The following DPP6 variants were observed in gnomAD, a reference collection of about 807,000 sequenced individuals.
DPP6 encodes A-type potassium channel modulatory protein DPP6.
Under a neutral mutation model 122.6 loss-of-function variants are expected in DPP6, and 69 were observed. That is an observed-to-expected ratio of 0.56 (90% confidence interval 0.46 to 0.69). The LOEUF (loss-of-function observed/expected upper bound fraction) is 0.69. DPP6 is among the 30% of genes least tolerant of loss of function. The pLI, the probability that DPP6 is intolerant of heterozygous loss-of-function variation, is 0.00. For missense variants in DPP6, 928 were observed against 1,116.9 expected (o/e 0.83, Z 2.41); for synonymous variants, 418 against 433.1 (o/e 0.97, Z 0.43).
At chr7:154,602,809 G>A (rs1206442988) in intron 5 of DPP6, among the ~76,000 whole-genome samples, 1 of 108,524 alleles carries the variant, frequency 9.2e-6, no homozygotes, top group Middle Eastern at 5.0e-3. Context: ...GTGCAGTGGT[G>A]CGATCTCTAT....
exon 1 of DPP6, chr7:153,887,574 A>AC: frequency 2.3e-6 from 3 of 1,330,722 alleles, no homozygotes; most frequent in South Asian, 2.6e-5. Context: ...TCCTTCAAAA[A>AC]CCCGTTTCCA....
chr7:154,177,797 G>A (rs1420748623), intron 1 of DPP6, among the ~76,000 whole-genome samples: 3 of 152,172 alleles, frequency 2.0e-5, no homozygotes, highest in Non-Finnish European at 2.9e-5. Flanking sequence ...CTTTGATAGC[G>A]CACTAATGCA....
intron 1 of DPP6, among the ~76,000 whole-genome samples, chr7:154,204,239 C>A (rs1799318240): frequency 1.3e-5 from 2 of 152,116 alleles, no homozygotes; most frequent in Admixed American, 6.5e-5. Context: ...ACAAAATGCC[C>A]CCTGGAAAGT....
At chr7:154,131,715 T>C (rs2150635536) in intron 1 of DPP6, among the ~76,000 whole-genome samples, 1 of 152,390 alleles carries the variant, frequency 6.6e-6, no homozygotes, top group South Asian at 2.1e-4. Flanking sequence ...TAGGAAGCTA[T>C]GTTTCTTATG....
At chr7:154,400,897 C>A (rs1026035279) in intron 1 of DPP6, among the ~76,000 whole-genome samples, 1 of 152,080 alleles carries the variant, frequency 6.6e-6, no homozygotes, top group Non-Finnish European at 1.5e-5. Flanking sequence ...AGATGAATTG[C>A]ACAGCTAATT....
intron 1 of DPP6, among the ~76,000 whole-genome samples, chr7:154,354,253 C>T (rs79808439): frequency 0.017 from 2,625 of 152,320 alleles, 71 homozygotes; most frequent in African/African-American, 0.059. Context: ...ATGAGTTCCA[C>T]AATTCTCAGT....
At chr7:154,747,896 T>C (rs1008698607) in intron 8 of DPP6, among the ~76,000 whole-genome samples, 1 of 152,208 alleles carries the variant, frequency 6.6e-6, no homozygotes, top group African/African-American at 2.4e-5. Flanking sequence ...TTAGTAGTAA[T>C]AGTTGCTATA....
chr7:153,837,560 T>C, the DPP6 span, among the ~76,000 whole-genome samples: 1 of 152,200 alleles, frequency 6.6e-6, no homozygotes, highest in African/African-American at 2.4e-5. Context: ...AAAAATCCCT[T>C]TTCTACTCAG....
intron 7 of DPP6, among the ~76,000 whole-genome samples, chr7:154,715,752 A>G (rs1841449761): frequency 6.6e-6 from 1 of 152,170 alleles, no homozygotes; most frequent in Admixed American, 6.5e-5. Context: ...GTTGTATAAA[A>G]TATGGTTTTG....
chr7:154,538,077 A>T (rs1298272596), intron 3 of DPP6, among the ~76,000 whole-genome samples: 1 of 152,190 alleles, frequency 6.6e-6, no homozygotes, highest in Non-Finnish European at 1.5e-5. Flanking sequence ...TTAAAGATAC[A>T]TAAATATGTG....
At chr7:154,591,582 A>C (rs770842774) in intron 5 of DPP6, among the ~76,000 whole-genome samples, 5 of 152,182 alleles carry the variant, frequency 3.3e-5, no homozygotes, top group African/African-American at 4.8e-5. Context: ...AGGAGACAGG[A>C]ACAGGGGGCG....
At chr7:154,183,761 G>T (rs1798214693) in intron 1 of DPP6, among the ~76,000 whole-genome samples, 1 of 152,222 alleles carries the variant, frequency 6.6e-6, no homozygotes, top group Non-Finnish European at 1.5e-5. Context: ...CGCAGTCAGT[G>T]CCTGCCTGGC....
Position 154,588,014 on chromosome 7 carries a change from C to G in DPP6, c.627+21098C>G. 1 of 1,612,812 alleles carries G rather than the reference C, an allele frequency of 6.2e-7. No homozygotes were observed. The highest frequency in any genetic ancestry group is 1.1e-5 in the South Asian group (1 of 91,078). ...TACGAGTGTGGCAGGTGTGAGGCAT[C>G]GCATCTGCTCACCCCGGGGATAATG... On this transcript the variant is annotated intron_variant, in intron 5 of 25. Coordinates refer to ENST00000377770, the MANE Select transcript of DPP6 (RefSeq NM_130797.4).
rs907204819 is a variant in DPP6, at chr7:154,755,764, G to GA, written c.884-13649dup. 8.5e-5 allele frequency among the ~76,000 whole-genome samples: 13 copies of GA among 152,190 alleles called. No individual in the cohort carries two copies. The highest frequency in any genetic ancestry group is 2.4e-4 in the African/African-American group (10 of 41,454). On this transcript the variant is annotated intron_variant, in intron 8 of 25. Transcript: ENST00000377770. The surrounding 1 kb of genome is among the most constrained non-coding windows in gnomAD (Gnocchi z 4.7). Reference sequence around the variant, plus strand: ...CCCTGTAAATCTTGATAGGAAGAAGGAAAAGGTCAGGATGTTGCCGAGCCC... The same window carrying GA: ...CCCTGTAAATCTTGATAGGAAGAAGGAAAAAGGTCAGGATGTTGCCGAGCCC...
chr7:153,948,431 T>C (rs1802047234), intron 1 of DPP6, among the ~76,000 whole-genome samples: 1 of 151,944 alleles, frequency 6.6e-6, no homozygotes, highest in Non-Finnish European at 1.5e-5. Context: ...ATTCTAGACA[T>C]ATTACAGGAA....
intron 12 of DPP6, among the ~76,000 whole-genome samples, chr7:154,797,491 G>A (rs564035312): frequency 6.6e-6 from 1 of 152,190 alleles, no homozygotes; most frequent in African/African-American, 2.4e-5. Context: ...GGACATTTGG[G>A]TTCTGTCTAC....
chr7:154,893,613 A>G lies in DPP6; in HGVS notation c.*1133A>G, dbSNP rs939428702. On this transcript the variant is annotated 3_prime_UTR_variant, in exon 26 of 26. Coordinates refer to ENST00000377770, the MANE Select transcript of DPP6 (RefSeq NM_130797.4). ...GGGGTGGCTCCGTGACCTTCCTGCC[A>G]CGAGCAGGAGGTTGATGATGTGCTA... 1 of 151,978 alleles carries G rather than the reference A, an allele frequency of 6.6e-6. No individual in the cohort carries two copies. Among genetic ancestry groups the G allele is most frequent in the Non-Finnish European group, 1.5e-5 (1 of 67,986 alleles). The allele number at this position is 151,978 out of a possible 1,614,324, so 9.4% of individuals were successfully genotyped here.
chr7:154,190,516 G>A (rs980623882), intron 1 of DPP6, among the ~76,000 whole-genome samples: 9 of 152,122 alleles, frequency 5.9e-5, no homozygotes, highest in African/African-American at 1.9e-4. Flanking sequence ...CAGTTAAAAG[G>A]TACTTAAGTA....
chr7:154,732,045 GT>G (rs534234100), intron 8 of DPP6, among the ~76,000 whole-genome samples: 360 of 145,672 alleles, frequency 2.5e-3, no homozygotes, highest in African/African-American at 7.3e-3. Flanking sequence ...TCTTTTGTTT[GT>G]TTTTTTTTTT....
Sources: allele counts gnomAD v4.1 joint callset (sites outside exome capture counted in the v4.1 genomes callset), GRCh38; gene constraint gnomAD v4.1.1; non-coding constraint Gnocchi (gnomAD v3.1); transcripts MANE v1.5; gene names NCBI Gene and HGNC (gene_info 2026-07-23, HGNC 2026-07-21).